LRRC2: variants seen among roughly 807,000 people sequenced by gnomAD.
The protein encoded by LRRC2 is leucine-rich repeat-containing protein 2.
LRRC2 carries 27 observed loss-of-function variants against 40.2 expected under a neutral mutation model. The ratio of observed to expected loss-of-function variants is 0.67; its 90% CI spans 0.49 to 0.93. The LOEUF is 0.93. Among genes scored for constraint, LRRC2 ranks in the 40% least tolerant of loss-of-function variants. The pLI, the probability that LRRC2 is intolerant of heterozygous loss-of-function variation, is 0.00. For synonymous variants in LRRC2, 147 were observed against 158.9 expected (o/e 0.92, Z 0.56); for missense variants, 402 against 439.6 (o/e 0.91, Z 0.76).
Position 46,554,929 on chromosome 3 carries a change from G to C in LRRC2, c.-19-3319C>G, listed in dbSNP as rs973875755. 3.3e-5 allele frequency among the ~76,000 whole-genome samples: 5 copies of C among 152,024 alleles called. No individual in the cohort carries two copies. The East Asian group carries it at 9.6e-4, about 29-fold the overall frequency. On this transcript the variant is annotated intron_variant, in intron 1 of 8. Transcript: ENST00000395905. ...GTTATTAACTGTCTTTTTTATTATA[G>C]CCATCCTAGTAGGTGTGAAGAGGTA...
intron 1 of LRRC2, among the ~76,000 whole-genome samples, chr3:46,564,296 A>ACCACTTTATAGAGCCAT (rs1705012132): frequency 6.8e-6 from 1 of 148,010 alleles, no homozygotes; most frequent in Non-Finnish European, 1.5e-5. Flanking sequence ...TTATATCAGA[A>ACCACTTTATAGAGCCAT]CCACTTTACA....
chr3:46,537,990 C>T (rs1445532306), intron 4 of LRRC2, among the ~76,000 whole-genome samples: 1 of 152,220 alleles, frequency 6.6e-6, no homozygotes, highest in Non-Finnish European at 1.5e-5. Context: ...TGCCTGGGAG[C>T]AGGTGTCTCC....
At chr3:46,550,280 T>G (rs1055941581) in intron 2 of LRRC2, among the ~76,000 whole-genome samples, 52 of 152,120 alleles carry the variant, frequency 3.4e-4, no homozygotes, top group Admixed American at 3.4e-3. Context: ...CAGTAGCAGC[T>G]TAATTATCAA....
intron 8 of LRRC2, among the ~76,000 whole-genome samples, chr3:46,521,088 G>A (rs1478494975): frequency 1.3e-5 from 2 of 152,120 alleles, no homozygotes; most frequent in Non-Finnish European, 1.5e-5. Flanking sequence ...TGGCCATCCT[G>A]TGCTTTCCCT....
intron 3 of LRRC2, among the ~76,000 whole-genome samples, chr3:46,540,297 G>A (rs1704358372): frequency 6.6e-6 from 1 of 152,174 alleles, no homozygotes; most frequent in Admixed American, 6.5e-5. Context: ...GGCCAAGGCG[G>A]GTGAATCACC....
intron 2 of LRRC2, among the ~76,000 whole-genome samples, chr3:46,549,261 A>T (rs1215999102): frequency 6.6e-6 from 1 of 152,216 alleles, no homozygotes; most frequent in Non-Finnish European, 1.5e-5. Context: ...ATTTTTCAAC[A>T]TATTAATTAC....
At chr3:46,525,993 G>A (rs758838703) in intron 7 of LRRC2, among the ~76,000 whole-genome samples, 13 of 149,228 alleles carry the variant, frequency 8.7e-5, no homozygotes, top group Non-Finnish European at 1.6e-4. Context: ...TAGCTCTGTC[G>A]CCAGGCTGTA....
At chr3:46,562,115 A>C (rs1704957693) in intron 1 of LRRC2, among the ~76,000 whole-genome samples, 1 of 152,188 alleles carries the variant, frequency 6.6e-6, no homozygotes, top group Non-Finnish European at 1.5e-5. Context: ...TCTAATGACT[A>C]GAATGTGGTG....
rs1175095782 is a variant in LRRC2 at position 46,517,782 on chromosome 3, G to T, written c.*1232C>A. The T allele has an allele frequency of 6.6e-6, 1 of 152,232 alleles. No homozygotes were observed. Among genetic ancestry groups the T allele is most frequent in the African/African-American group, 2.4e-5 (1 of 41,456 alleles). The allele number at this position is 152,232 out of a possible 1,614,324, so 9.4% of individuals were successfully genotyped here. A position where few individuals can be genotyped will look rare whatever the true frequency, so the allele number is the denominator to read the frequency against. On this transcript the variant is annotated 3_prime_UTR_variant, in exon 9 of 9. Coordinates refer to ENST00000395905, the MANE Select transcript of LRRC2 (RefSeq NM_024512.5). ...ATGTGACATAAGAGCCCAAAGTCTT[G>T]TAATGAATCCCACCTCTCCCAAATT...
Position 46,522,760 on chromosome 3 carries a change from AACACACACACACAC to A in LRRC2, c.930-1116_930-1103del, listed in dbSNP as rs71098411. Among the ~76,000 whole-genome samples, 1,270 of 143,420 alleles carry A rather than the reference AACACACACACACAC, an allele frequency of 8.9e-3. 21 individuals carry two copies. Among genetic ancestry groups the A allele is most frequent in the South Asian group, 0.048 (217 of 4,476 alleles). The allele number at this position is 143,420 out of a possible 152,430, so 94.1% of individuals were successfully genotyped here. On this transcript the variant is annotated intron_variant, in intron 7 of 8. Coordinates refer to ENST00000395905, the MANE Select transcript of LRRC2 (RefSeq NM_024512.5). ...ATTAAATAAAAGATGAACTACTGCT[AACACACACACACAC>A]ACACACACACACACACACACACACA...
At chr3:46,526,791 A>C (rs1164037147) in intron 7 of LRRC2, among the ~76,000 whole-genome samples, 1 of 152,196 alleles carries the variant, frequency 6.6e-6, no homozygotes, top group African/African-American at 2.4e-5. Flanking sequence ...GGTGGCTCTT[A>C]ATAGAGCAGC....
At chr3:46,529,042 A>G (rs910707740) in intron 6 of LRRC2, among the ~76,000 whole-genome samples, 1 of 152,062 alleles carries the variant, frequency 6.6e-6, no homozygotes, top group Non-Finnish European at 1.5e-5. Flanking sequence ...GCTTAAGCCC[A>G]AGCAGTCAAG....
At position 46,515,910 on chromosome 3, in the gene LRRC2, C is replaced by T. The variant is rs531270395; in HGVS notation, c.*3104G>A. 2.0e-5 allele frequency: 3 copies of T among 149,420 alleles called. No homozygotes were observed. The highest frequency in any genetic ancestry group is 4.2e-4 in the South Asian group (2 of 4,754). The allele number at this position is 149,420 out of a possible 1,614,324, so 9.3% of individuals were successfully genotyped here. Reference sequence around the variant, plus strand: ...AAAAATGTAACTATTTAAGATTCAACGAAGGTGATTTCTCATTTTCCTACT... The same window carrying T: ...AAAAATGTAACTATTTAAGATTCAATGAAGGTGATTTCTCATTTTCCTACT... On this transcript the variant is annotated 3_prime_UTR_variant, in exon 9 of 9. Coordinates refer to ENST00000395905, the MANE Select transcript of LRRC2 (RefSeq NM_024512.5).
At chr3:46,547,882 T>C (rs968195777) in intron 2 of LRRC2, among the ~76,000 whole-genome samples, 2 of 152,110 alleles carry the variant, frequency 1.3e-5, no homozygotes, top group South Asian at 2.1e-4. Context: ...ATGATAAAAA[T>C]GAATTTTAAA....
intron 3 of LRRC2, among the ~76,000 whole-genome samples, chr3:46,540,232 T>C (rs1466919694): frequency 6.6e-6 from 1 of 152,174 alleles, no homozygotes; most frequent in Non-Finnish European, 1.5e-5. Context: ...TACCATAAGA[T>C]AGGCAAAGTG....
intron 2 of LRRC2, among the ~76,000 whole-genome samples, chr3:46,546,720 T>TTTTTTTC: frequency 6.8e-6 from 1 of 146,336 alleles, no homozygotes; most frequent in Non-Finnish European, 1.5e-5. Flanking sequence ...TGCTCCTTTT[T>TTTTTTTC]TTTTTTTTTT....
intron 1 of LRRC2, among the ~76,000 whole-genome samples, chr3:46,556,082 G>C (rs1704786071): frequency 6.6e-6 from 1 of 151,426 alleles, no homozygotes. Flanking sequence ...TTTCCTATAG[G>C]AGATGCATCA....
At chr3:46,524,005 G>A (rs1704012244) in intron 7 of LRRC2, among the ~76,000 whole-genome samples, 1 of 151,962 alleles carries the variant, frequency 6.6e-6, no homozygotes, top group African/African-American at 2.4e-5. Context: ...CCTGCAGCTT[G>A]ATTCTAAAAT....
intron 1 of LRRC2, among the ~76,000 whole-genome samples, chr3:46,560,143 C>G (rs1189216190): frequency 6.6e-6 from 1 of 152,104 alleles, no homozygotes; most frequent in Non-Finnish European, 1.5e-5. Context: ...ACAAATTTTA[C>G]CTTAACCTAG....
Sources: allele counts gnomAD v4.1 joint callset (sites outside exome capture counted in the v4.1 genomes callset), GRCh38; gene constraint gnomAD v4.1.1; transcripts MANE v1.5; gene names NCBI Gene and HGNC (gene_info 2026-07-23, HGNC 2026-07-21).